The following LRIG3 variants were observed in gnomAD, a reference collection of about 807,000 sequenced individuals.
LRIG3 encodes leucine rich repeats and immunoglobulin like domains 3.
LRIG3 carries 76 observed loss-of-function variants against 114.5 expected under a neutral mutation model. That is an observed-to-expected ratio of 0.66 (90% CI 0.55 to 0.80). The LOEUF is 0.80. Ranked by LOEUF, LRIG3 falls within the 30% of genes least tolerant of loss-of-function variation. The pLI is 0.00. For missense variants in LRIG3, 1,239 were observed against 1,382.8 expected (o/e 0.90, Z 1.65); for synonymous variants, 512 against 519.8 (o/e 0.98, Z 0.20).
intron 7 of LRIG3, 128 bp from the exon 8 acceptor site, chr12:58,888,060 C>A: frequency 1.2e-6 from 1 of 848,990 alleles, no homozygotes; most frequent in South Asian, 2.2e-5. Context: ...TAATAATATC[C>A]AAGTAAATAT....
At chr12:58,902,733 C>A (rs1287452901) in intron 3 of LRIG3, among the ~76,000 whole-genome samples, 2 of 121,212 alleles carry the variant, frequency 1.7e-5, no homozygotes, top group Non-Finnish European at 3.3e-5. Context: ...CCCCACCCCA[C>A]AACAGTCCCC....
Position 58,874,127 on chromosome 12 carries a change from G to C in LRIG3, c.3043C>G (p.Leu1015Val), listed in dbSNP as rs1344645114. Reference protein sequence around the residue: ...NEGPGMKNLCLNKSSLDFSAN... With the variant: ...NEGPGMKNLCVNKSSLDFSAN... ...CTAAAATCTAAAGAGGACTTGTTTA[G>C]ACACAGATTTTTCATTCCAGGTCCT... Residue 1015 changes from leucine to valine, a missense_variant, in exon 18 of 19, where the codon CTA becomes GTA. Transcript: ENST00000320743. 6.2e-7 allele frequency: 1 copy of C among 1,614,182 alleles called. No individual in the cohort carries two copies. The highest frequency in any genetic ancestry group is 8.5e-7 in the Non-Finnish European group (1 of 1,180,022).
Position 58,920,263 on chromosome 12 carries a change from C to T in LRIG3, c.-28G>A. On this transcript the variant is annotated 5_prime_UTR_variant, in exon 1 of 19. Coordinates refer to ENST00000320743, the MANE Select transcript of LRIG3 (RefSeq NM_153377.5). The stretch of plus-strand genomic sequence containing the variant: ...CGGTCCAGCGGCCTAGGTCTCTACC[C>T]GAAGCTCCCAGCCGGCGCGCGCTCG... The T allele has an allele frequency of 7.6e-7, 1 of 1,314,094 alleles. No homozygotes were observed. The highest frequency in any genetic ancestry group is 9.7e-7 in the Non-Finnish European group (1 of 1,035,700). The allele number at this position is 1,314,094 out of a possible 1,614,324, so 81.4% of individuals were successfully genotyped here. A position where few individuals can be genotyped will look rare whatever the true frequency, so the allele number is the denominator to read the frequency against.
intron 1 of LRIG3, among the ~76,000 whole-genome samples, chr12:58,918,481 A>G (rs1872556281): frequency 6.6e-6 from 1 of 152,244 alleles, no homozygotes; most frequent in South Asian, 2.1e-4. Flanking sequence ...ACAACTTGAC[A>G]TTGAAAAACT....
chr12:58,919,543 T>C (rs1298330936), intron 1 of LRIG3: 9 of 1,550,102 alleles, frequency 5.8e-6, no homozygotes, highest in African/African-American at 2.7e-5. Flanking sequence ...CTGACTTCAG[T>C]TACTGGGTGG....
intron 14 of LRIG3, among the ~76,000 whole-genome samples, chr12:58,878,374 A>G (rs528069696): frequency 1.2e-3 from 189 of 152,344 alleles, no homozygotes; most frequent in Middle Eastern, 6.8e-3. Context: ...CATTTTTAAA[A>G]AGCATTTGTT....
At chr12:58,886,407 T>C (rs1871278002) in intron 9 of LRIG3, among the ~76,000 whole-genome samples, 1 of 151,856 alleles carries the variant, frequency 6.6e-6, no homozygotes, top group Non-Finnish European at 1.5e-5. Flanking sequence ...GCTTGTAACC[T>C]ACCACAGCAT....
chr12:58,889,915 G>A, intron 5 of LRIG3, 81 bp downstream of exon 5: 1 of 1,505,554 alleles, frequency 6.6e-7, no homozygotes, highest in Non-Finnish European at 9.0e-7. Flanking sequence ...ACTCCTTTTT[G>A]CCACATTGTA....
At chr12:58,882,581 G>A (rs994554992) in intron 12 of LRIG3, among the ~76,000 whole-genome samples, 19 of 152,160 alleles carry the variant, frequency 1.2e-4, no homozygotes, top group Non-Finnish European at 1.2e-4. Context: ...GGGAATTTAA[G>A]TTAAGTAGAA....
At chr12:58,886,938 C>T (rs1871294980) in intron 8 of LRIG3, 48 bp from the exon 9 acceptor site, 1 of 1,433,184 alleles carries the variant, frequency 7.0e-7, no homozygotes, top group African/African-American at 1.4e-5. Flanking sequence ...CTCAGAAAGC[C>T]TAGTATCACC....
At chr12:58,894,043 T>C (rs1009421653) in intron 3 of LRIG3, among the ~76,000 whole-genome samples, 3 of 152,208 alleles carry the variant, frequency 2.0e-5, no homozygotes, top group African/African-American at 7.2e-5. Context: ...TAACAGACCA[T>C]ACAGTCTTTG....
In LRIG3 at chr12:58,887,089, TC is replaced by T. The variant is rs1262189221; in HGVS notation, c.1092-200del. 5.9e-6 allele frequency: 3 copies of T among 505,920 alleles called. No homozygotes were observed. In the African/African-American group the frequency reaches 5.9e-5, roughly 10 times the overall value. 31.3% of individuals were successfully genotyped at this position (505,920 alleles called of 1,614,324 possible). ...TTCCCTCAACAACATTTTAAGTTTT[TC>T]CCTAAAATCCGAAAAAGCTGACACT... On this transcript the variant is annotated intron_variant, in intron 8 of 18. Transcript: ENST00000320743.
intron 1 of LRIG3, among the ~76,000 whole-genome samples, chr12:58,916,663 T>C (rs2120994894): frequency 6.6e-6 from 1 of 152,304 alleles, no homozygotes; most frequent in East Asian, 1.9e-4. Context: ...CACAAAACTT[T>C]TACAAAAACT....
chr12:58,874,772 C>T (rs1362689714), intron 16 of LRIG3, among the ~76,000 whole-genome samples, 199 bp from the exon 17 acceptor site: 1 of 152,148 alleles, frequency 6.6e-6, no homozygotes, highest in African/African-American at 2.4e-5. Flanking sequence ...GTGTGGTGGC[C>T]TTATTGCTCA....
At chr12:58,910,480 C>T (rs938191964) in intron 3 of LRIG3, among the ~76,000 whole-genome samples, 1 of 152,116 alleles carries the variant, frequency 6.6e-6, no homozygotes, top group Non-Finnish European at 1.5e-5. Flanking sequence ...TGGCAGCATG[C>T]GCCTGTAGTC....
At chr12:58,917,405 CAT>C (rs1478452141) in intron 1 of LRIG3, among the ~76,000 whole-genome samples, 2 of 152,190 alleles carry the variant, frequency 1.3e-5, no homozygotes, top group East Asian at 1.9e-4. Flanking sequence ...AAACTCTTGA[CAT>C]AAACTCTAGC....
chr12:58,919,253 C>G (rs1045383487), intron 1 of LRIG3, among the ~76,000 whole-genome samples: 1 of 152,176 alleles, frequency 6.6e-6, no homozygotes, highest in Non-Finnish European at 1.5e-5. Flanking sequence ...GGTTTTCAGA[C>G]TTCGCAGCTA....
chr12:58,882,516 T>G (rs1871154699), intron 12 of LRIG3, among the ~76,000 whole-genome samples: 1 of 152,156 alleles, frequency 6.6e-6, no homozygotes, highest in Non-Finnish European at 1.5e-5. Flanking sequence ...AGCCTCAGAG[T>G]TGGGAAGAGA....
chr12:58,883,304 T>C (rs1298720946), intron 11 of LRIG3, among the ~76,000 whole-genome samples: 2 of 152,208 alleles, frequency 1.3e-5, no homozygotes, highest in Non-Finnish European at 2.9e-5. Flanking sequence ...GACTGTACTA[T>C]ATTTGGTCCC....
Sources: allele counts gnomAD v4.1 joint callset (sites outside exome capture counted in the v4.1 genomes callset), GRCh38; gene constraint gnomAD v4.1.1; transcripts MANE v1.5; gene names NCBI Gene and HGNC (gene_info 2026-07-23, HGNC 2026-07-21).